Variants in CCAR1 observed in about 807,000 individuals in gnomAD.
CCAR1 encodes cell division cycle and apoptosis regulator 1.
CCAR1 carries 78 observed loss-of-function variants against 163.8 expected under a neutral mutation model. The ratio of observed to expected loss-of-function variants is 0.48; its 90% confidence interval spans 0.40 to 0.57. The LOEUF is 0.57. Ranked by LOEUF, CCAR1 falls within the 20% of genes least tolerant of loss-of-function variation. The probability of loss-of-function intolerance (pLI) is 0.00; values close to 1 mark genes in which losing one functional copy is unlikely to be tolerated. For missense variants in CCAR1, 1,019 were observed against 1,365.2 expected, an observed-to-expected ratio of 0.75 and a Z score of 4.00; for synonymous variants, 443 against 460.7, an observed-to-expected ratio of 0.96 and a Z score of 0.49.
Position 68,756,937 on chromosome 10 carries a change from G to A in CCAR1, c.1837-357G>A, listed in dbSNP as rs565213256. 2.0e-5 allele frequency among the ~76,000 whole-genome samples: 3 copies of A among 152,310 alleles called. No individual in the cohort carries two copies. Among genetic ancestry groups the A allele is most frequent in the African/African-American group, 7.2e-5 (3 of 41,570 alleles). The stretch of plus-strand genomic sequence containing the variant: ...TTCAGGCTATGTGGCAACGTCTTTG[G>A]TACATTTCAAAGGTCTGACTAAATC... On this transcript the variant is annotated intron_variant, in intron 14 of 24. Transcript: ENST00000265872. This position sits in a 1 kb window ranked among gnomAD's most constrained non-coding sequence, Gnocchi z 5.1.
intron 16 of CCAR1, among the ~76,000 whole-genome samples, chr10:68,764,322 T>A (rs1179196247): frequency 6.6e-6 from 1 of 150,734 alleles, no homozygotes; most frequent in Non-Finnish European, 1.5e-5. Context: ...TTGAAAAGAG[T>A]GCTTTAGAAC....
At chr10:68,749,816 T>C in intron 10 of CCAR1, 131 bp downstream of exon 10, 1 of 741,114 alleles carries the variant, frequency 1.3e-6, no homozygotes, top group South Asian at 2.1e-5. Context: ...AGGGCAGAAA[T>C]GCAATTTGAA....
chr10:68,744,635 G>GT (rs1343906679), intron 6 of CCAR1, among the ~76,000 whole-genome samples: 1 of 152,186 alleles, frequency 6.6e-6, no homozygotes, highest in Non-Finnish European at 1.5e-5. Flanking sequence ...AGAGATTCCT[G>GT]TTTTTTATCT....
At position 68,786,748 on chromosome 10, in the gene CCAR1, A is replaced by G; in HGVS notation, c.2880+56A>G. The G allele has an allele frequency of 6.2e-6, 9 of 1,456,838 alleles. No homozygotes were observed. The South Asian group carries it at 1.1e-4, about 18-fold the overall frequency. 90.2% of individuals were successfully genotyped at this position (1,456,838 alleles called of 1,614,324 possible). On this transcript the variant is annotated intron_variant, in intron 21 of 24. Transcript: ENST00000265872. ...AACATTTTTTAAAAGTTACCTTTCCAGTGAAAAGTTAATAGAACCTCTGTT... is the reference window on the plus strand; with the variant it reads ...AACATTTTTTAAAAGTTACCTTTCCGGTGAAAAGTTAATAGAACCTCTGTT...
intron 15 of CCAR1, 103 bp from the exon 16 acceptor site, chr10:68,760,904 A>G (rs761234433): frequency 4.8e-5 from 22 of 458,120 alleles, no homozygotes; most frequent in Non-Finnish European, 7.1e-5. Context: ...CACACAAAAT[A>G]TAATTGTTAA....
At chr10:68,732,404 C>T (rs2056052725) in intron 2 of CCAR1, among the ~76,000 whole-genome samples, 1 of 152,084 alleles carries the variant, frequency 6.6e-6, no homozygotes, top group African/African-American at 2.4e-5. Context: ...GGCTGTAGTG[C>T]AGTGGCGCCA....
At position 68,722,493 on chromosome 10, in the gene CCAR1, T is replaced by C. The variant is rs2055873419; in HGVS notation, c.-12T>C. Reference sequence around the variant, plus strand: ...AAGACAAACAAGGGAAGGTTTTTTTTCCTTTTGCATCATGGCTCAATTTGG... The same window carrying C: ...AAGACAAACAAGGGAAGGTTTTTTTCCCTTTTGCATCATGGCTCAATTTGG... On this transcript the variant is annotated 5_prime_UTR_variant, in exon 2 of 25. Coordinates refer to ENST00000265872, the MANE Select transcript of CCAR1 (RefSeq NM_018237.4). 1 of 1,612,510 alleles carries C rather than the reference T, an allele frequency of 6.2e-7. No individual in the cohort carries two copies. The highest frequency in any genetic ancestry group is 1.3e-5 in the African/African-American group (1 of 74,898).
At chr10:68,751,628 T>A (rs1055340928) in intron 10 of CCAR1, among the ~76,000 whole-genome samples, 1 of 151,874 alleles carries the variant, frequency 6.6e-6, no homozygotes, top group Non-Finnish European at 1.5e-5. Context: ...TTCAGGAGGC[T>A]GAGGCGGACA....
chr10:68,757,288 T>C lies in CCAR1; in HGVS notation c.1837-6T>C, dbSNP rs1466104021. 11 of 1,448,918 alleles carry C rather than the reference T, an allele frequency of 7.6e-6. No individual in the cohort carries two copies. The highest frequency in any genetic ancestry group is 9.7e-6 in the Non-Finnish European group (10 of 1,034,662). 89.8% of individuals were successfully genotyped at this position (1,448,918 alleles called of 1,614,324 possible). ...TAGTAATTACATTCTTAACTTTGTA[T>C]GTCAGGATGAAGAAGAGAAGGATGA... On this transcript the variant is annotated splice_polypyrimidine_tract_variant and splice_region_variant and intron_variant, in intron 14 of 24. Transcript: ENST00000265872.
chr10:68,736,316 G>T (rs932620023), intron 2 of CCAR1, among the ~76,000 whole-genome samples: 2 of 105,064 alleles, frequency 1.9e-5, no homozygotes, highest in South Asian at 3.9e-4. Context: ...GCTATTTAAC[G>T]TGCATTACTT....
intron 10 of CCAR1, among the ~76,000 whole-genome samples, chr10:68,753,197 A>G (rs1245287964): frequency 6.6e-6 from 1 of 151,476 alleles, no homozygotes; most frequent in Non-Finnish European, 1.5e-5. Context: ...ACTTCTTAGG[A>G]AAAAGGAAAT....
At chr10:68,746,844 C>T (rs1219215629) in intron 6 of CCAR1, among the ~76,000 whole-genome samples, 3 of 152,098 alleles carry the variant, frequency 2.0e-5, no homozygotes, top group African/African-American at 7.2e-5. Flanking sequence ...TCCCAAAGTG[C>T]TAGGATTACA....
At chr10:68,786,755 A>G in intron 21 of CCAR1, 63 bp downstream of exon 21, 1 of 1,389,068 alleles carries the variant, frequency 7.2e-7, no homozygotes, top group East Asian at 2.4e-5. Context: ...TCCAGTGAAA[A>G]GTTAATAGAA....
At chr10:68,770,490 C>A (rs200211623) in intron 17 of CCAR1, among the ~76,000 whole-genome samples, 4 of 152,190 alleles carry the variant, frequency 2.6e-5, no homozygotes, top group Non-Finnish European at 5.9e-5. Context: ...CACCTGTAAT[C>A]GCAGCACTTT....
chr10:68,791,085 AT>A (rs2056847457), intron 24 of CCAR1, 121 bp from the exon 25 acceptor site: 2 of 504,770 alleles, frequency 4.0e-6, no homozygotes, highest in African/African-American at 4.0e-5. Flanking sequence ...ACTAAAATTA[AT>A]TTATTGTTCT....
intron 8 of CCAR1, among the ~76,000 whole-genome samples, chr10:68,748,049 T>C (rs997898419): frequency 1.3e-5 from 2 of 152,164 alleles, no homozygotes; most frequent in Admixed American, 6.6e-5. Flanking sequence ...ATACAGGGTT[T>C]CACCACGTTG....
chr10:68,783,949 G>A (rs143930177), intron 19 of CCAR1, among the ~76,000 whole-genome samples: 3,691 of 151,310 alleles, frequency 0.024, 72 homozygotes, highest in Non-Finnish European at 0.039. Context: ...TAGTAGAGAC[G>A]GGGTTTCACC....
intron 19 of CCAR1, 109 bp from the exon 20 acceptor site, chr10:68,786,027 C>T (rs990154695): frequency 8.6e-6 from 6 of 700,462 alleles, no homozygotes; most frequent in East Asian, 2.7e-5. Context: ...ACTACACCCT[C>T]GAACGCCTGG....
chr10:68,740,550 T>C, intron 4 of CCAR1, 79 bp from the exon 5 acceptor site: 2 of 1,091,846 alleles, frequency 1.8e-6, no homozygotes, highest in Non-Finnish European at 2.8e-6. Flanking sequence ...TTTTATAGGA[T>C]TATTTCTTTT....
Sources: allele counts gnomAD v4.1 joint callset (sites outside exome capture counted in the v4.1 genomes callset), GRCh38; gene constraint gnomAD v4.1.1; non-coding constraint Gnocchi (gnomAD v3.1); transcripts MANE v1.5; gene names NCBI Gene and HGNC (gene_info 2026-07-23, HGNC 2026-07-21).